The following NNMT variants were observed in gnomAD, a reference collection of about 807,000 sequenced individuals.
NNMT encodes the protein nicotinamide N-methyltransferase.
In NNMT, 10 loss-of-function variants were observed where a neutral mutation model predicts 11.7. The observed-to-expected ratio is 0.85, with a 90% CI of 0.53 to 1.45. NNMT has a LOEUF of 1.45. Among genes scored for constraint, NNMT ranks in the 40% most tolerant of loss-of-function variants. The probability of loss-of-function intolerance (pLI) is 0.00; values close to 1 mark genes in which losing one functional copy is unlikely to be tolerated. For missense variants in NNMT, 381 were observed against 319.4 expected, an observed-to-expected ratio of 1.19 and a Z score of -1.47; for synonymous variants, 143 against 133.8, an observed-to-expected ratio of 1.07 and a Z score of -0.48.
chr11:114,264,648 C>T (rs187630671), intron 2 of NNMT, among the ~76,000 whole-genome samples: 256 of 152,310 alleles, frequency 1.7e-3, no homozygotes, highest in African/African-American at 5.9e-3. Flanking sequence ...CCCACAAAAG[C>T]GCCTCCCACT....
At chr11:114,279,802 G>T (rs1292205244) in intron 2 of NNMT, among the ~76,000 whole-genome samples, 1 of 152,194 alleles carries the variant, frequency 6.6e-6, no homozygotes, top group African/African-American at 2.4e-5. Flanking sequence ...CTTGCAGACA[G>T]TAGTGGCAGC....
intron 2 of NNMT, among the ~76,000 whole-genome samples, chr11:114,301,609 C>T (rs751161461): frequency 4.0e-5 from 6 of 151,532 alleles, no homozygotes; most frequent in Non-Finnish European, 8.8e-5. Flanking sequence ...TGCTAGGGGT[C>T]GGGGAGGGAG....
intron 1 of NNMT, among the ~76,000 whole-genome samples, chr11:114,261,017 C>T (rs899245540): frequency 1.3e-5 from 2 of 152,192 alleles, no homozygotes; most frequent in East Asian, 1.9e-4. Context: ...AGAGTAACGA[C>T]GTGAATCAGC....
chr11:114,280,912 A>C (rs1168159941), intron 2 of NNMT, among the ~76,000 whole-genome samples: 2 of 152,032 alleles, frequency 1.3e-5, no homozygotes, highest in Non-Finnish European at 2.9e-5. Flanking sequence ...GATCCTGACC[A>C]CTGAATGAGG....
At chr11:114,268,521 A>G (rs544070679) in intron 2 of NNMT, among the ~76,000 whole-genome samples, 2 of 152,296 alleles carry the variant, frequency 1.3e-5, no homozygotes, top group Admixed American at 1.3e-4. Context: ...CTGTAATCCC[A>G]GCACTTTGGG....
intron 1 of NNMT, among the ~76,000 whole-genome samples, chr11:114,260,247 C>T (rs928692369): frequency 5.3e-5 from 8 of 152,206 alleles, no homozygotes; most frequent in South Asian, 2.1e-4. Flanking sequence ...CTGTCCATCG[C>T]GGAGATGGCC....
chr11:114,299,749 T>C (rs1368151151), intron 2 of NNMT, among the ~76,000 whole-genome samples: 1 of 152,088 alleles, frequency 6.6e-6, no homozygotes, highest in African/African-American at 2.4e-5. Context: ...AGTGGTACTT[T>C]TCAAGAAGTT....
At chr11:114,282,688 G>A (rs1018619589) in intron 2 of NNMT, among the ~76,000 whole-genome samples, 3 of 152,042 alleles carry the variant, frequency 2.0e-5, no homozygotes, top group South Asian at 2.1e-4. Context: ...AATCTCCTCC[G>A]AGAGCTCTCT....
At chr11:114,262,661 G>A (rs988145148) in intron 1 of NNMT, among the ~76,000 whole-genome samples, 2 of 152,064 alleles carry the variant, frequency 1.3e-5, no homozygotes, top group Admixed American at 6.5e-5. Context: ...CATCTCAAAT[G>A]GATGCAACTA....
At chr11:114,274,814 C>G (rs1021152383) in intron 2 of NNMT, among the ~76,000 whole-genome samples, 2 of 152,198 alleles carry the variant, frequency 1.3e-5, no homozygotes, top group African/African-American at 2.4e-5. Flanking sequence ...ACCGTTCTGA[C>G]TGGTCAGTGT....
intron 2 of NNMT, among the ~76,000 whole-genome samples, chr11:114,299,512 C>T (rs972431392): frequency 9.9e-5 from 15 of 152,182 alleles, no homozygotes; most frequent in Non-Finnish European, 4.4e-5. Flanking sequence ...TTGATATCAG[C>T]ATGATGCTGG....
intron 2 of NNMT, among the ~76,000 whole-genome samples, chr11:114,311,180 T>G (rs538568448): frequency 6.6e-6 from 1 of 152,094 alleles, no homozygotes; most frequent in East Asian, 1.9e-4. Context: ...CATAAAAAAA[T>G]TAGCCTGGTA....
At chr11:114,273,801 T>C (rs1199072548) in intron 2 of NNMT, among the ~76,000 whole-genome samples, 5 of 152,000 alleles carry the variant, frequency 3.3e-5, no homozygotes, top group Non-Finnish European at 7.4e-5. Flanking sequence ...GATCGCTCCA[T>C]TGCACTCCAG....
chr11:114,297,085 C>G (rs1458371317), intron 1 of NNMT, among the ~76,000 whole-genome samples: 2 of 152,126 alleles, frequency 1.3e-5, no homozygotes, highest in Non-Finnish European at 2.9e-5. Flanking sequence ...TAAAGACCTC[C>G]CAATATATGA....
intron 2 of NNMT, among the ~76,000 whole-genome samples, chr11:114,289,768 G>A (rs1296581545): frequency 6.6e-6 from 1 of 152,138 alleles, no homozygotes; most frequent in Non-Finnish European, 1.5e-5. Flanking sequence ...TAGTATGTAA[G>A]AATTTATTAA....
chr11:114,264,895 G>A (rs1206480048), intron 2 of NNMT, among the ~76,000 whole-genome samples: 1 of 152,230 alleles, frequency 6.6e-6, no homozygotes, highest in Non-Finnish European at 1.5e-5. Flanking sequence ...CCCTCCCTGG[G>A]TGTGCCACTC....
intron 2 of NNMT, among the ~76,000 whole-genome samples, chr11:114,265,640 T>C (rs1945114290): frequency 6.6e-6 from 1 of 152,172 alleles, no homozygotes; most frequent in Non-Finnish European, 1.5e-5. Flanking sequence ...CAATTCCTGC[T>C]TGTGCAAATC....
At chr11:114,285,358 C>T (rs937612471) in intron 2 of NNMT, among the ~76,000 whole-genome samples, 17 of 152,142 alleles carry the variant, frequency 1.1e-4, no homozygotes, top group Admixed American at 3.3e-4. Context: ...CATACAGTGA[C>T]GCCCTTATGG....
chr11:114,304,384 A>G (rs543181864), intron 2 of NNMT, among the ~76,000 whole-genome samples: 2 of 152,338 alleles, frequency 1.3e-5, no homozygotes, highest in South Asian at 4.1e-4. Context: ...AGCTTGGAAC[A>G]ACTAGCTCTT....
Sources: gnomAD v4.1 joint callset for allele counts (sites outside exome capture counted in the v4.1 genomes callset) on GRCh38, gnomAD v4.1.1 for gene constraint, MANE v1.5 for transcripts, NCBI Gene and HGNC (gene_info 2026-07-23, HGNC 2026-07-21) for gene names.